Variants in FOXP2 observed in about 807,000 individuals in gnomAD.
FOXP2 encodes the protein forkhead box P2.
FOXP2 carries 12 observed loss-of-function variants against 115.8 expected under a neutral mutation model. The ratio of observed to expected loss-of-function variants is 0.10; its 90% CI spans 0.07 to 0.17. The LOEUF (loss-of-function observed/expected upper bound fraction) is 0.17. Among genes scored for constraint, FOXP2 ranks in the 10% least tolerant of loss-of-function variants. The pLI is 1.00. For synonymous variants in FOXP2, 328 were observed against 297.7 expected (o/e 1.10, Z -1.05); for missense variants, 629 against 843.5 (o/e 0.75, Z 3.15).
chr7:114,109,292 G>A (rs118129917), intron 1 of FOXP2, among the ~76,000 whole-genome samples: 86 of 151,848 alleles, frequency 5.7e-4, no homozygotes, highest in Middle Eastern at 6.9e-3. Flanking sequence ...CTTTTTAATC[G>A]GCATATACAT....
intron 2 of FOXP2, among the ~76,000 whole-genome samples, chr7:114,481,972 T>C (rs1165555082): frequency 6.6e-6 from 1 of 151,342 alleles, no homozygotes; most frequent in Non-Finnish European, 1.5e-5. Context: ...AGGGGGGCAC[T>C]ATGGCTTGTG....
intron 1 of FOXP2, among the ~76,000 whole-genome samples, chr7:114,217,524 A>G (rs1368965190): frequency 6.6e-6 from 1 of 152,156 alleles, no homozygotes; most frequent in Non-Finnish European, 1.5e-5. Flanking sequence ...GCAGAGAAAC[A>G]CTGGAAGCTA....
chr7:114,366,106 A>G (rs1791874832), intron 2 of FOXP2, among the ~76,000 whole-genome samples: 1 of 152,160 alleles, frequency 6.6e-6, no homozygotes, highest in Admixed American at 6.6e-5. Context: ...AGGAAGCAGT[A>G]GAACTCATGC....
chr7:114,433,335 T>C (rs1184541137), intron 2 of FOXP2, among the ~76,000 whole-genome samples: 1 of 151,966 alleles, frequency 6.6e-6, no homozygotes, highest in Non-Finnish European at 1.5e-5. Flanking sequence ...ATCAAATAAA[T>C]AAAATCTAAA....
At chr7:114,623,639 G>T (rs1804375321) in intron 3 of FOXP2, among the ~76,000 whole-genome samples, 1 of 151,768 alleles carries the variant, frequency 6.6e-6, no homozygotes, top group South Asian at 2.1e-4. Context: ...GCAGTACAAA[G>T]AAAAGAATAT....
intron 3 of FOXP2, among the ~76,000 whole-genome samples, chr7:114,557,787 C>CTTTATTTATTTA (rs59243864): frequency 0.01 from 1,530 of 148,198 alleles, 30 homozygotes; most frequent in African/African-American, 0.033. Flanking sequence ...ACTGAACTGA[C>CTTTATTTATTTA]TTTATTTATT....
At chr7:114,660,235 A>G (rs555078747) in intron 13 of FOXP2, among the ~76,000 whole-genome samples, 6 of 152,322 alleles carry the variant, frequency 3.9e-5, no homozygotes, top group African/African-American at 1.4e-4. Flanking sequence ...CTGTCCAAAC[A>G]ACTTCATTGT....
upstream of FOXP2, among the ~76,000 whole-genome samples, chr7:114,158,708 A>T (rs796361764): frequency 6.6e-6 from 1 of 152,108 alleles, no homozygotes; most frequent in African/African-American, 2.4e-5. Context: ...TAACGACTAC[A>T]TGCAAAAATT....
chr7:114,489,438 G>T (rs1796933162), intron 2 of FOXP2, among the ~76,000 whole-genome samples: 1 of 151,974 alleles, frequency 6.6e-6, no homozygotes, highest in South Asian at 2.1e-4. Flanking sequence ...TCTGAAATTG[G>T]TTCTATTTAC....
intron 1 of FOXP2, among the ~76,000 whole-genome samples, chr7:114,178,680 A>G (rs981647724): frequency 1.3e-5 from 2 of 151,962 alleles, no homozygotes; most frequent in Non-Finnish European, 2.9e-5. Flanking sequence ...ATTTGACACT[A>G]TTAGTAAGGT....
chr7:114,309,837 T>C (rs985469277), intron 2 of FOXP2, among the ~76,000 whole-genome samples: 4 of 151,752 alleles, frequency 2.6e-5, no homozygotes, highest in Non-Finnish European at 5.9e-5. Flanking sequence ...ACTCTTTTTT[T>C]TTTTTTTTTT....
At chr7:114,586,902 C>A (rs1458835923) in intron 3 of FOXP2, among the ~76,000 whole-genome samples, 1 of 151,930 alleles carries the variant, frequency 6.6e-6, no homozygotes, top group Admixed American at 6.6e-5. Flanking sequence ...CACGCTATTG[C>A]AATGCACTTA....
At chr7:114,660,490 G>A (rs992554918) in intron 13 of FOXP2, among the ~76,000 whole-genome samples, 1 of 152,182 alleles carries the variant, frequency 6.6e-6, no homozygotes, top group Non-Finnish European at 1.5e-5. Flanking sequence ...TAGACTGTGA[G>A]ATATGCTAAA....
chr7:114,409,587 T>G (rs1793117030), upstream of FOXP2, among the ~76,000 whole-genome samples: 2 of 152,186 alleles, frequency 1.3e-5, no homozygotes, highest in Non-Finnish European at 2.9e-5. Flanking sequence ...TATTTAACTC[T>G]TCCTTATTTT....
chr7:114,580,378 G>A (rs569166908), intron 3 of FOXP2, among the ~76,000 whole-genome samples: 1 of 152,308 alleles, frequency 6.6e-6, no homozygotes, highest in Admixed American at 6.5e-5. Flanking sequence ...AGGAGTTCGA[G>A]ACCAGCCTGA....
intron 1 of FOXP2, among the ~76,000 whole-genome samples, chr7:114,274,793 T>G (rs1796148195): frequency 6.6e-6 from 1 of 151,272 alleles, no homozygotes; most frequent in Non-Finnish European, 1.5e-5. Context: ...TTTTTTTATG[T>G]TTTTTGTTTG....
At chr7:114,539,443 G>GCGAT (rs1182796851) in intron 3 of FOXP2, among the ~76,000 whole-genome samples, 8 of 151,732 alleles carry the variant, frequency 5.3e-5, no homozygotes, top group Non-Finnish European at 1.5e-5. Flanking sequence ...TTTAAATAGA[G>GCGAT]CGATCTATTA....
chr7:114,647,382 T>G (rs886153258), intron 8 of FOXP2, among the ~76,000 whole-genome samples: 1 of 151,216 alleles, frequency 6.6e-6, no homozygotes, highest in Non-Finnish European at 1.5e-5. Flanking sequence ...TATATATTTA[T>G]GTATCGTATA....
At chr7:114,552,581 T>C (rs1800263432) in intron 3 of FOXP2, among the ~76,000 whole-genome samples, 1 of 152,208 alleles carries the variant, frequency 6.6e-6, no homozygotes, top group African/African-American at 2.4e-5. Flanking sequence ...GAAGCAAGAT[T>C]ATTTTAAAAG....
Sources: allele counts gnomAD v4.1 joint callset (sites outside exome capture counted in the v4.1 genomes callset), GRCh38; gene constraint gnomAD v4.1.1; transcripts MANE v1.5; gene names NCBI Gene and HGNC (gene_info 2026-07-23, HGNC 2026-07-21).